MYO15A: variants seen among roughly 807,000 people sequenced by gnomAD.
MYO15A encodes the protein unconventional myosin-XV.
Under a neutral mutation model 394.6 loss-of-function variants are expected in MYO15A, and 308 were observed. The observed-to-expected ratio is 0.78, with a 90% CI of 0.71 to 0.86. The LOEUF is 0.86. MYO15A is among the 40% of genes least tolerant of loss of function. The pLI is 0.00. For missense variants in MYO15A, 4,606 were observed against 4,799.1 expected (o/e 0.96, Z 1.19); for synonymous variants, 1,957 against 2,003.8 (o/e 0.98, Z 0.62).
chr17:18,128,780 G>C (rs2046099364), intron 7 of MYO15A, among the ~76,000 whole-genome samples: 1 of 152,172 alleles, frequency 6.6e-6, no homozygotes, highest in Non-Finnish European at 1.5e-5. Context: ...TGAGGCCTAA[G>C]AAGGGAGGAG....
In MYO15A at chr17:18,148,189, C is replaced by G; in HGVS notation, c.6670C>G (p.Leu2224Val). 1 of 1,613,756 alleles carries G rather than the reference C, an allele frequency of 6.2e-7. No homozygotes were observed. The highest frequency in any genetic ancestry group is 8.5e-7 in the Non-Finnish European group (1 of 1,180,042). Residue 2224 changes from leucine to valine, a missense_variant, in exon 31 of 66, where the codon CTG becomes GTG. By Grantham distance (32) the Leu-to-Val change is conservative. This residue lies in a region of MYO15A where 2,776 missense variants were observed against 3,109.3 expected (regional missense o/e 0.89). Transcript: ENST00000647165. This position sits in a 1 kb window ranked among gnomAD's most constrained non-coding sequence, Gnocchi z 4.8. ...GACCTATGAGAAGGCCAGCATGGCG[C>G]TGGACGTGGGCTGCTTCAATGGTAA... ...TATYEKASMA[L>V]DVGCFNGDQF...
chr17:18,142,702 T>C, intron 24 of MYO15A, 54 bp from the exon 25 acceptor site: 1 of 1,513,702 alleles, frequency 6.6e-7, no homozygotes, highest in Non-Finnish European at 9.1e-7. Context: ...TACCTTTTGG[T>C]CACCCTGTCA....
chr17:18,136,322 C>T (rs535630661), intron 13 of MYO15A, 95 bp from the exon 14 acceptor site: 49 of 1,465,654 alleles, frequency 3.3e-5, no homozygotes, highest in African/African-American at 9.7e-5. Context: ...CCTCCAGCCT[C>T]CCTTCTCCAT....
rs2046684286 is a variant in MYO15A, at chr17:18,156,916, T to G, written c.8602-38T>G. On this transcript the variant is annotated intron_variant, in intron 48 of 65. Coordinates refer to ENST00000647165, the MANE Select transcript of MYO15A (RefSeq NM_016239.4). ...CCCTAGGCCTCTGGGAGTGGGGTGATAGGGCTGTTGCCCTCACCCTGCCTC... is the reference window on the plus strand; with the variant it reads ...CCCTAGGCCTCTGGGAGTGGGGTGAGAGGGCTGTTGCCCTCACCCTGCCTC... 2.6e-6 allele frequency: 4 copies of G among 1,560,302 alleles called. No homozygotes were observed. The East Asian group carries it at 9.0e-5, about 35-fold the overall frequency.
In MYO15A at chr17:18,119,633, A is replaced by G; in HGVS notation, c.833A>G (p.Tyr278Cys). ...GCCTGGCCACCCTACGGCGACCACTACTACGGGTACCCGCCCGAGGATCCC... is the reference window on the plus strand; with the variant it reads ...GCCTGGCCACCCTACGGCGACCACTGCTACGGGTACCCGCCCGAGGATCCC... ...SPAWPPYGDH[Y>C]YGYPPEDPYD... is the part of the protein sequence containing the mutation. Residue 278 changes from tyrosine (Y) to cysteine (C), a missense_variant, in exon 2 of 66, where the codon TAC becomes TGC. This residue lies in a region of MYO15A where 1,830 missense variants were observed against 1,689.7 expected (regional missense o/e 1.08). Coordinates refer to ENST00000647165, the MANE Select transcript of MYO15A (RefSeq NM_016239.4). 1 of 1,603,198 alleles carries G rather than the reference A, an allele frequency of 6.2e-7. No homozygotes were observed. Among genetic ancestry groups the G allele is most frequent in the South Asian group, 1.1e-5 (1 of 91,078 alleles).
chr17:18,171,616 T>G (rs757945239), intron 62 of MYO15A, 22 bp from the exon 63 acceptor site: 2 of 1,613,694 alleles, frequency 1.2e-6, no homozygotes, highest in African/African-American at 2.7e-5. Context: ...TCAGGACCTT[T>G]TTCCCCTTCC....
intron 7 of MYO15A, 97 bp downstream of exon 7, chr17:18,127,262 G>C: frequency 2.1e-6 from 3 of 1,417,358 alleles, no homozygotes; most frequent in Non-Finnish European, 1.9e-6. Context: ...GGCCCACCAG[G>C]AAGATGAGGA....
Position 18,179,392 on chromosome 17 carries a change from G to T in MYO15A, c.*522G>T. On this transcript the variant is annotated 3_prime_UTR_variant, in exon 66 of 66. Transcript: ENST00000647165. ...GTGCAAACAAAAGGTGTGCCTGGCA[G>T]CCATTTCTCCATGGAGTTGCTAAGT... 5.3e-6 allele frequency: 1 copy of T among 188,310 alleles called. No individual in the cohort carries two copies. Among genetic ancestry groups the T allele is most frequent in the Non-Finnish European group, 1.1e-5 (1 of 88,360 alleles). 11.7% of individuals were successfully genotyped at this position (188,310 alleles called of 1,614,324 possible). A position where few individuals can be genotyped will look rare whatever the true frequency, so the allele number is the denominator to read the frequency against.
Position 18,149,280 on chromosome 17 carries a change from A to G in MYO15A, c.7021A>G (p.Met2341Val). Residue 2341 changes from methionine to valine, a missense_variant, in exon 34 of 66, where the codon ATG (methionine) becomes GTG (valine). This residue lies in a region of MYO15A where 2,776 missense variants were observed against 3,109.3 expected (regional missense o/e 0.89). Coordinates refer to ENST00000647165, the MANE Select transcript of MYO15A (RefSeq NM_016239.4). ...MSTRPQPQEH[M>V]PKVLDSDGYS... is the part of the protein sequence containing the mutation. ...CACTAGACCCCAGCCCCAGGAGCAC[A>G]TGCCCAAAGTACTTGACTCTGATGG... 1 of 1,614,022 alleles carries G rather than the reference A, an allele frequency of 6.2e-7. No individual in the cohort carries two copies. Among genetic ancestry groups the G allele is most frequent in the Non-Finnish European group, 8.5e-7 (1 of 1,179,962 alleles).
chr17:18,120,094 A>C lies in MYO15A; in HGVS notation c.1294A>C (p.Ile432Leu). ...CCCGTATGCCCACGCCATGGATGAC[A>C]TCGCCGAGCTGGAGGAACCAGAGGA... The part of the protein sequence containing the change: ...HNPYAHAMDD[I>L]AELEEPEDAG... Residue 432 changes from isoleucine to leucine, a missense_variant, in exon 2 of 66, where the codon ATC becomes CTC. By Grantham distance (5) the Ile-to-Leu change is conservative (BLOSUM62 2). This residue lies in a region of MYO15A where 1,830 missense variants were observed against 1,689.7 expected (regional missense o/e 1.08). Coordinates refer to ENST00000647165, the MANE Select transcript of MYO15A (RefSeq NM_016239.4). 1 of 1,612,486 alleles carries C rather than the reference A, an allele frequency of 6.2e-7. No individual in the cohort carries two copies. The highest frequency in any genetic ancestry group is 8.5e-7 in the Non-Finnish European group (1 of 1,179,394).
In MYO15A at chr17:18,142,743, TACC is replaced by T; in HGVS notation, c.5826-12_5826-10del. On this transcript the variant is annotated splice_polypyrimidine_tract_variant and intron_variant, in intron 24 of 65. Coordinates refer to ENST00000647165, the MANE Select transcript of MYO15A (RefSeq NM_016239.4). The stretch of plus-strand genomic sequence containing the variant: ...TGGCCCCAATCCCTGACCTCCCCAC[TACC>T]CCAACCCAGGCAACGCTATCAGCAG... 1 of 1,611,484 alleles carries T rather than the reference TACC, an allele frequency of 6.2e-7. No individual in the cohort carries two copies. Among genetic ancestry groups the T allele is most frequent in the Non-Finnish European group, 8.5e-7 (1 of 1,178,640 alleles).
chr17:18,155,481 T>G (rs757766111), intron 47 of MYO15A, 49 bp downstream of exon 47: 6 of 1,515,416 alleles, frequency 4.0e-6, no homozygotes, highest in Non-Finnish European at 4.6e-6. Flanking sequence ...GGATACAGAC[T>G]GGCATCGGCA....
At chr17:18,159,475 A>C in intron 54 of MYO15A, 128 bp downstream of exon 54, 1 of 1,471,368 alleles carries the variant, frequency 6.8e-7, no homozygotes, top group Non-Finnish European at 9.4e-7. Flanking sequence ...CATGGAACAC[A>C]TTTAAGAGAA....
chr17:18,167,833 T>TGG, intron 62 of MYO15A, 110 bp downstream of exon 62: 1 of 1,504,582 alleles, frequency 6.6e-7, no homozygotes, highest in Non-Finnish European at 9.0e-7. Context: ...GGCTCCCCTC[T>TGG]TATACCAGTG....
chr17:18,161,056 GA>G (rs2046767398), intron 56 of MYO15A: 1 of 625,162 alleles, frequency 1.6e-6, no homozygotes, highest in Admixed American at 2.2e-5. Flanking sequence ...AGGCAGAGAA[GA>G]GAAGAATAGG....
intron 40 of MYO15A, 42 bp from the exon 41 acceptor site, chr17:18,151,804 G>A: frequency 6.6e-7 from 1 of 1,523,132 alleles, no homozygotes; most frequent in East Asian, 2.4e-5. Flanking sequence ...ATGGGAAAGG[G>A]AGACTCAGTG....
Position 18,139,577 on chromosome 17 carries a change from A to T in MYO15A, c.5177A>T (p.Asp1726Val). The T allele has an allele frequency of 6.2e-7, 1 of 1,614,078 alleles. No homozygotes were observed. ...AAGAACCACGACCAAGTGCGCCAGGATGTGCTGGACCTGTTCGTACGGAGC... is the reference window on the plus strand; with the variant it reads ...AAGAACCACGACCAAGTGCGCCAGGTTGTGCTGGACCTGTTCGTACGGAGC... The part of the protein sequence containing the change: ...LDKNHDQVRQ[D>V]VLDLFVRSRT... The change falls in exon 19 of 66, where the codon GAT (aspartate) becomes GTT (valine). Residue 1726 changes from aspartate (D) to valine (V), a missense_variant. By Grantham distance (152) the Asp-to-Val change is radical. This residue lies in a region of MYO15A where 2,776 missense variants were observed against 3,109.3 expected (regional missense o/e 0.89). Coordinates refer to ENST00000647165, the MANE Select transcript of MYO15A (RefSeq NM_016239.4).
rs2046630199 is a variant in MYO15A at position 18,153,944 on chromosome 17, G to A, written c.8088+48G>A. 1 of 1,610,586 alleles carries A rather than the reference G, an allele frequency of 6.2e-7. No homozygotes were observed. The highest frequency in any genetic ancestry group is 8.5e-7 in the Non-Finnish European group (1 of 1,177,886). ...GGGGAGGGGCTGAAGCGGGGCAGGG[G>A]AGGGGCTGAAGCGAGCAGAGGAGGG... On this transcript the variant is annotated intron_variant, in intron 43 of 65. Transcript: ENST00000647165. This position sits in a 1 kb window ranked among gnomAD's most constrained non-coding sequence, Gnocchi z 4.1.
chr17:18,120,970 C>T lies in MYO15A; in HGVS notation c.2170C>T (p.Pro724Ser). The change falls in exon 2 of 66, where the codon CCC becomes TCC. Residue 724 changes from proline (P) to serine (S), a missense_variant. This residue lies in a region of MYO15A where 1,830 missense variants were observed against 1,689.7 expected (regional missense o/e 1.08). Coordinates refer to ENST00000647165, the MANE Select transcript of MYO15A (RefSeq NM_016239.4). Reference protein sequence around the residue: ...PQASWWAFVEPPAVSPEVPPD... With the variant: ...PQASWWAFVESPAVSPEVPPD... Reference sequence around the variant, plus strand: ...GGCCAGCTGGTGGGCCTTCGTGGAGCCCCCTGCCGTGAGCCCGGAGGTGCC... The same window carrying T: ...GGCCAGCTGGTGGGCCTTCGTGGAGTCCCCTGCCGTGAGCCCGGAGGTGCC... The T allele has an allele frequency of 1.3e-6, 2 of 1,487,748 alleles. No homozygotes were observed. The highest frequency in any genetic ancestry group is 1.8e-6 in the Non-Finnish European group (2 of 1,124,550). 92.2% of individuals were successfully genotyped at this position (1,487,748 alleles called of 1,614,324 possible). A position where few individuals can be genotyped will look rare whatever the true frequency, so the allele number is the denominator to read the frequency against.
Sources: gnomAD v4.1 joint callset for allele counts (sites outside exome capture counted in the v4.1 genomes callset) on GRCh38, gnomAD v4.1.1 for gene constraint, gnomAD v4.1.1 regional missense constraint, Gnocchi (gnomAD v3.1) non-coding constraint, MANE v1.5 for transcripts, NCBI Gene and HGNC (gene_info 2026-07-23, HGNC 2026-07-21) for gene names.